Variants in PVT1 observed in about 807,000 individuals in gnomAD.
The protein encoded by PVT1 is Pvt1 oncogene.
intron 2 of PVT1, among the ~76,000 whole-genome samples, chr8:127,882,548 A>G (rs1238321111): frequency 6.6e-6 from 1 of 152,048 alleles, no homozygotes; most frequent in East Asian, 1.9e-4. Flanking sequence ...CAATGGCACA[A>G]TCTCGGCTCA....
chr8:127,991,199 G>C (rs1817036224), intron 4 of PVT1, among the ~76,000 whole-genome samples: 1 of 139,346 alleles, frequency 7.2e-6, no homozygotes, highest in Non-Finnish European at 1.5e-5. Context: ...CTGGAGTGCA[G>C]TGGCGCAATC....
At chr8:127,928,634 G>A (rs1292221310) in intron 3 of PVT1, among the ~76,000 whole-genome samples, 1 of 152,230 alleles carries the variant, frequency 6.6e-6, no homozygotes, top group Non-Finnish European at 1.5e-5. Flanking sequence ...ATCCCCCAGA[G>A]GGGTGCGGTG....
At chr8:128,045,652 G>A (rs994735222) in intron 4 of PVT1, among the ~76,000 whole-genome samples, 1 of 152,204 alleles carries the variant, frequency 6.6e-6, no homozygotes, top group African/African-American at 2.4e-5. Flanking sequence ...TGTTACAAAA[G>A]CAGTGATCCA....
In PVT1 at chr8:128,001,762, G is replaced by A. The variant is rs145275754; in HGVS notation, n.912+12471G>A. On this transcript the variant is annotated intron_variant and non_coding_transcript_variant, in intron 4 of 10. Transcript: ENST00000651587. ...AAAGCTAAAAGTCCAAGATCAATGC[G>A]CTGGGAGATTTGGTGTCTGGTGAGA... Among the ~76,000 whole-genome samples, 518 of 152,282 alleles carry A rather than the reference G, an allele frequency of 3.4e-3. 1 individual carries two copies. The highest frequency in any genetic ancestry group is 0.012 in the African/African-American group (490 of 41,558).
intron 3 of PVT1, among the ~76,000 whole-genome samples, chr8:127,895,228 T>C (rs1167349796): frequency 6.6e-6 from 1 of 152,206 alleles, no homozygotes; most frequent in African/African-American, 2.4e-5. Flanking sequence ...CCCAGCACTT[T>C]GGGAGGCCGA....
chr8:127,879,928 G>C (rs893874168), intron 2 of PVT1, among the ~76,000 whole-genome samples: 3 of 152,196 alleles, frequency 2.0e-5, no homozygotes, highest in Non-Finnish European at 2.9e-5. Flanking sequence ...GGGTGATCTT[G>C]GGCAAGTCAC....
intron 3 of PVT1, among the ~76,000 whole-genome samples, chr8:127,938,885 T>C (rs1816310654): frequency 6.6e-6 from 1 of 152,220 alleles, no homozygotes; most frequent in South Asian, 2.1e-4. Context: ...AGCGTCTCCT[T>C]TGAGCAGTCC....
rs201590314 is a variant in PVT1, at chr8:127,829,177, C to T, written n.372+33106C>T. On this transcript the variant is annotated intron_variant and non_coding_transcript_variant, in intron 2 of 10. Transcript: ENST00000651587. ...CTGTAATCCCAGCTACTAGGGAGGT[C>T]GAGGCAGGAGAATCACTTGAACCTG... Among the ~76,000 whole-genome samples the T allele has an allele frequency of 2.6e-5, 4 of 151,926 alleles. No individual in the cohort carries two copies. In the South Asian group the frequency reaches 8.3e-4, roughly 32 times the overall value.
chr8:127,899,700 A>T (rs1815734790), intron 3 of PVT1, among the ~76,000 whole-genome samples: 1 of 152,160 alleles, frequency 6.6e-6, no homozygotes, highest in Non-Finnish European at 1.5e-5. Context: ...CATAGAGCAC[A>T]TTCCTTTCAG....
intron 5 of PVT1, among the ~76,000 whole-genome samples, chr8:128,075,055 T>G (rs1422885663): frequency 6.6e-6 from 1 of 152,246 alleles, no homozygotes; most frequent in Non-Finnish European, 1.5e-5. Context: ...ATTTGTGAAC[T>G]CTAGCTGAAG....
intron 2 of PVT1, among the ~76,000 whole-genome samples, chr8:127,871,218 G>A (rs1815348200): frequency 6.6e-6 from 1 of 152,212 alleles, no homozygotes; most frequent in African/African-American, 2.4e-5. Context: ...GTGGGACAGG[G>A]ACACTGCGTA....
chr8:128,068,086 C>T (rs1163587863), intron 4 of PVT1, among the ~76,000 whole-genome samples: 1 of 151,954 alleles, frequency 6.6e-6, no homozygotes, highest in Non-Finnish European at 1.5e-5. Context: ...TGCTTGGCCT[C>T]TTGCCCCCTG....
chr8:128,080,316 TG>T (rs1193575584), intron 5 of PVT1, among the ~76,000 whole-genome samples: 1 of 152,242 alleles, frequency 6.6e-6, no homozygotes, highest in African/African-American at 2.4e-5. Flanking sequence ...ACTGCCAAAT[TG>T]TCTTCCAAAG....
chr8:127,903,942 T>C (rs1224766993), intron 3 of PVT1, among the ~76,000 whole-genome samples: 2 of 152,240 alleles, frequency 1.3e-5, no homozygotes, highest in Admixed American at 1.3e-4. Context: ...TTTAGAATAG[T>C]TTTTTCTACT....
chr8:127,920,836 C>T (rs1042864194), intron 3 of PVT1, among the ~76,000 whole-genome samples: 1 of 152,140 alleles, frequency 6.6e-6, no homozygotes, highest in Non-Finnish European at 1.5e-5. Context: ...ATTCCATATG[C>T]TTTACAGGTG....
intron 2 of PVT1, among the ~76,000 whole-genome samples, chr8:127,812,329 A>C (rs1459044425): frequency 6.6e-6 from 1 of 151,906 alleles, no homozygotes; most frequent in African/African-American, 2.4e-5. Flanking sequence ...TGCCTGTTGT[A>C]GTCCTGGCAC....
At chr8:127,821,061 A>ACT (rs1296618578) in intron 2 of PVT1, among the ~76,000 whole-genome samples, 2 of 152,148 alleles carry the variant, frequency 1.3e-5, no homozygotes, top group African/African-American at 4.8e-5. Flanking sequence ...AGAGCTAGAG[A>ACT]AAGTATTGTT....
chr8:127,812,889 A>G (rs978057536), intron 2 of PVT1, among the ~76,000 whole-genome samples: 1 of 152,132 alleles, frequency 6.6e-6, no homozygotes, highest in Non-Finnish European at 1.5e-5. Flanking sequence ...AGGCTCTCAC[A>G]GGGAACAAAC....
intron 2 of PVT1, among the ~76,000 whole-genome samples, chr8:127,863,910 G>A (rs575891650): frequency 4.6e-5 from 7 of 152,322 alleles, no homozygotes; most frequent in Non-Finnish European, 8.8e-5. Context: ...TTGCTGAGGT[G>A]CCAGGCCTTT....
Sources: allele counts gnomAD v4.1 joint callset (sites outside exome capture counted in the v4.1 genomes callset), GRCh38; gene constraint gnomAD v4.1.1; transcripts MANE v1.5; gene names NCBI Gene and HGNC (gene_info 2026-07-23, HGNC 2026-07-21).